Variants in SLC6A6 observed in about 807,000 individuals in gnomAD.
SLC6A6 encodes the protein sodium- and chloride-dependent taurine transporter.
Under a neutral mutation model 68.8 loss-of-function variants are expected in SLC6A6, and 16 were observed. The observed-to-expected ratio is 0.23, with a 90% CI of 0.16 to 0.35. The LOEUF (loss-of-function observed/expected upper bound fraction) is 0.35. SLC6A6 is among the 10% of genes least tolerant of loss of function. SLC6A6 has a pLI of 1.00. For missense variants in SLC6A6, 474 were observed against 802.8 expected, an observed-to-expected ratio of 0.59 and a Z score of 4.95; for synonymous variants, 312 against 315.4, an observed-to-expected ratio of 0.99 and a Z score of 0.12.
chr3:14,417,563 C>G (rs1699390640), intron 2 of SLC6A6, among the ~76,000 whole-genome samples: 1 of 151,208 alleles, frequency 6.6e-6, no homozygotes, highest in Non-Finnish European at 1.5e-5. Flanking sequence ...AACCCTGTCT[C>G]TACTAAAAAA....
chr3:14,455,171 G>A (rs1700340470), intron 5 of SLC6A6, among the ~76,000 whole-genome samples: 1 of 152,234 alleles, frequency 6.6e-6, no homozygotes, highest in Non-Finnish European at 1.5e-5. Flanking sequence ...AACGTCCCTG[G>A]ATGGCACCAT....
chr3:14,485,185 G>A lies in SLC6A6; in HGVS notation c.*178G>A, dbSNP rs1179467824. 3.1e-5 allele frequency: 13 copies of A among 422,002 alleles called. No individual in the cohort carries two copies. The highest frequency in any genetic ancestry group is 1.2e-4 in the Admixed American group (3 of 24,246). The allele number at this position is 422,002 out of a possible 1,614,324, so 26.1% of individuals were successfully genotyped here. On this transcript the variant is annotated 3_prime_UTR_variant, in exon 15 of 15. Transcript: ENST00000622186. ...GTGTGTGTGTGTGTGTGTATCGTGT[G>A]TGTGTGTTTTGTTTTGATTTGGGGG...
intron 2 of SLC6A6, among the ~76,000 whole-genome samples, chr3:14,418,783 C>T (rs1156539905): frequency 1.3e-5 from 2 of 152,272 alleles, no homozygotes; most frequent in Non-Finnish European, 2.9e-5. Context: ...GTGAGGTGGG[C>T]GCTGATGTCA....
rs898904519 is a variant in SLC6A6, at chr3:14,468,753, A to G, written c.1096+541A>G. 3.3e-5 allele frequency among the ~76,000 whole-genome samples: 5 copies of G among 152,126 alleles called. No homozygotes were observed. The highest frequency in any genetic ancestry group is 6.5e-5 in the Admixed American group (1 of 15,276). On this transcript the variant is annotated intron_variant, in intron 9 of 14. Coordinates refer to ENST00000622186, the MANE Select transcript of SLC6A6 (RefSeq NM_003043.6). This position sits in a 1 kb window ranked among gnomAD's most constrained non-coding sequence, Gnocchi z 4.5. ...GTGGGGGGAGGGCGTAGATGAGGGG[A>G]CGACCTACTGGGACGGTGGCAGATC...
intron 6 of SLC6A6, among the ~76,000 whole-genome samples, chr3:14,461,409 T>A (rs1700490782): frequency 6.6e-6 from 1 of 152,176 alleles, no homozygotes. Flanking sequence ...CTTCCGCCTC[T>A]TGTGCCCACC....
At chr3:14,445,386 A>C (rs981735336) in intron 3 of SLC6A6, among the ~76,000 whole-genome samples, 1 of 151,686 alleles carries the variant, frequency 6.6e-6, no homozygotes, top group Non-Finnish European at 1.5e-5. Context: ...ACGCCACTGC[A>C]TTTCAGCCTG....
chr3:14,477,400 CA>C lies in SLC6A6; in HGVS notation c.1347+59del. On this transcript the variant is annotated intron_variant, in intron 11 of 14. Coordinates refer to ENST00000622186, the MANE Select transcript of SLC6A6 (RefSeq NM_003043.6). This position sits in a 1 kb window ranked among gnomAD's most constrained non-coding sequence, Gnocchi z 4.2. ...GGTGCTCCAGTGCCCTCCTCAAGGC[CA>C]TAGTGGAGGCAGCAGCTGGGTGAGA... The C allele has an allele frequency of 6.4e-7, 1 of 1,565,128 alleles. No homozygotes were observed. Among genetic ancestry groups the C allele is most frequent in the Non-Finnish European group, 8.8e-7 (1 of 1,140,608 alleles).
chr3:14,413,504 A>G (rs1204442480), intron 1 of SLC6A6, among the ~76,000 whole-genome samples: 1 of 152,160 alleles, frequency 6.6e-6, no homozygotes, highest in East Asian at 1.9e-4. Context: ...GAGTCCTCAA[A>G]ATGCTGTCCC....
intron 1 of SLC6A6, among the ~76,000 whole-genome samples, chr3:14,410,287 G>T (rs1699220625): frequency 6.6e-6 from 1 of 152,156 alleles, no homozygotes; most frequent in African/African-American, 2.4e-5. Flanking sequence ...TTGACAGGGA[G>T]GGATTTAAGG....
chr3:14,432,070 C>T (rs191624395), intron 2 of SLC6A6, among the ~76,000 whole-genome samples: 45 of 152,294 alleles, frequency 3.0e-4, no homozygotes, highest in Non-Finnish European at 5.3e-4. Context: ...TTGGGGCTGG[C>T]CCGGCTCCTG....
intron 4 of SLC6A6, among the ~76,000 whole-genome samples, chr3:14,446,871 T>C (rs747744862): frequency 7.9e-5 from 12 of 152,246 alleles, no homozygotes; most frequent in African/African-American, 1.4e-4. Context: ...ATCACTGTTA[T>C]GATTTAATTG....
At chr3:14,441,866 C>G (rs1699996920) in intron 2 of SLC6A6, among the ~76,000 whole-genome samples, 1 of 152,264 alleles carries the variant, frequency 6.6e-6, no homozygotes, top group Non-Finnish European at 1.5e-5. Flanking sequence ...TGCCTGACAC[C>G]CTACTGTGTG....
intron 10 of SLC6A6, among the ~76,000 whole-genome samples, chr3:14,474,922 T>A (rs1700838418): frequency 6.6e-6 from 1 of 152,258 alleles, no homozygotes; most frequent in Non-Finnish European, 1.5e-5. Flanking sequence ...GAACAGTCCG[T>A]CTGGCCTAAG....
chr3:14,478,186 G>C (rs1403091156), intron 11 of SLC6A6, among the ~76,000 whole-genome samples: 1 of 152,196 alleles, frequency 6.6e-6, no homozygotes, highest in Admixed American at 6.5e-5. Flanking sequence ...GGTGACCCTG[G>C]AGTCTTCTCT....
chr3:14,457,587 G>A (rs1204243457), intron 5 of SLC6A6, among the ~76,000 whole-genome samples: 2 of 152,188 alleles, frequency 1.3e-5, no homozygotes, highest in African/African-American at 4.8e-5. Context: ...GCTGAGAATT[G>A]AACCTAGTGT....
chr3:14,468,161 G>A lies in SLC6A6; in HGVS notation c.1045G>A (p.Gly349Ser). The change falls in exon 9 of 15, where the codon GGC (glycine) becomes AGC (serine). Residue 349 changes from glycine (G) to serine (S), a missense_variant. Around this residue, in one of 2 missense-constraint regions of SLC6A6, gnomAD observed 280 missense variants for 533.1 expected, o/e 0.53. Transcript: ENST00000622186. The surrounding 1 kb of genome is among the most constrained non-coding windows in gnomAD (Gnocchi z 4.5). ...TGGCTTCGCAATTTTTTCCATCCTG[G>A]GCTTCATGGCACAAGAGCAAGGGGT... is the stretch of plus-strand genomic sequence containing the variant. ...VSGFAIFSILGFMAQEQGVDI... is the reference protein window; with the variant it reads ...VSGFAIFSILSFMAQEQGVDI... 1 of 1,614,000 alleles carries A rather than the reference G, an allele frequency of 6.2e-7. No individual in the cohort carries two copies. Among genetic ancestry groups the A allele is most frequent in the Non-Finnish European group, 8.5e-7 (1 of 1,180,002 alleles).
chr3:14,420,168 C>T (rs750031492), intron 2 of SLC6A6, among the ~76,000 whole-genome samples: 1 of 152,244 alleles, frequency 6.6e-6, no homozygotes, highest in Non-Finnish European at 1.5e-5. Context: ...CACAGTGGCT[C>T]ACGCCTGTAA....
rs539656808 is a variant in SLC6A6 at position 14,413,769 on chromosome 3, G to T, written c.-53-2643G>T. The stretch of plus-strand genomic sequence containing the variant: ...CCGTGATAACTAGAGTGCCAGGGCT[G>T]CGGGAACCTCAGGTGTTCTGTCATC... On this transcript the variant is annotated intron_variant, in intron 1 of 14. Coordinates refer to ENST00000622186, the MANE Select transcript of SLC6A6 (RefSeq NM_003043.6). 4.6e-5 allele frequency among the ~76,000 whole-genome samples: 7 copies of T among 152,302 alleles called. No individual in the cohort carries two copies. In the South Asian group the frequency reaches 1.5e-3, roughly 32 times the overall value.
At chr3:14,465,826 T>C (rs1182349700) in intron 6 of SLC6A6, among the ~76,000 whole-genome samples, 1 of 152,272 alleles carries the variant, frequency 6.6e-6, no homozygotes, top group Non-Finnish European at 1.5e-5. Context: ...CTCTCTGATT[T>C]TGCTTTTTCC....
Sources: allele counts gnomAD v4.1 joint callset (sites outside exome capture counted in the v4.1 genomes callset), GRCh38; gene constraint gnomAD v4.1.1; regional missense constraint gnomAD v4.1.1; non-coding constraint Gnocchi (gnomAD v3.1); transcripts MANE v1.5; gene names NCBI Gene and HGNC (gene_info 2026-07-23, HGNC 2026-07-21).